FHOD3: variants seen among roughly 807,000 people sequenced by gnomAD.
FHOD3 encodes FH1/FH2 domain-containing protein 3.
In FHOD3, 90 loss-of-function variants were observed where a neutral mutation model predicts 173.0. The ratio of observed to expected loss-of-function variants is 0.52; its 90% CI spans 0.44 to 0.62. The LOEUF is 0.62. Among genes scored for constraint, FHOD3 ranks in the 20% least tolerant of loss-of-function variants. The pLI is 0.00. For missense variants in FHOD3, 1,945 were observed against 2,034.7 expected (o/e 0.96, Z 0.85); for synonymous variants, 828 against 823.0 (o/e 1.01, Z -0.10).
intron 17 of FHOD3, among the ~76,000 whole-genome samples, chr18:36,694,976 G>GCTGT (rs2039180505): frequency 6.7e-6 from 1 of 149,144 alleles, no homozygotes. Context: ...TGTATACGTG[G>GCTGT]GTGTGTGTGT....
chr18:36,418,628 T>C (rs547255594), intron 3 of FHOD3, among the ~76,000 whole-genome samples: 75 of 152,258 alleles, frequency 4.9e-4, no homozygotes, highest in Non-Finnish European at 9.9e-4. Flanking sequence ...ATCTGCATGT[T>C]CTTGCCAGTT....
intron 17 of FHOD3, among the ~76,000 whole-genome samples, chr18:36,700,056 G>C (rs975061442): frequency 4.6e-5 from 7 of 152,058 alleles, no homozygotes; most frequent in Admixed American, 3.3e-4. Flanking sequence ...TCATTGTTTG[G>C]TTGCAATCCT....
At chr18:36,463,077 T>G (rs1422631801) in intron 3 of FHOD3, among the ~76,000 whole-genome samples, 1 of 152,140 alleles carries the variant, frequency 6.6e-6, no homozygotes, top group Non-Finnish European at 1.5e-5. Context: ...CCATTGCAAC[T>G]CTGATTTCCA....
At chr18:36,321,742 C>T (rs1487394232) in intron 1 of FHOD3, among the ~76,000 whole-genome samples, 2 of 152,124 alleles carry the variant, frequency 1.3e-5, no homozygotes, top group African/African-American at 2.4e-5. Context: ...GTGAGCCCTC[C>T]GTGCGTGGTG....
intron 19 of FHOD3, among the ~76,000 whole-genome samples, chr18:36,723,871 A>G (rs1466854370): frequency 6.6e-6 from 1 of 152,250 alleles, no homozygotes; most frequent in Admixed American, 6.5e-5. Flanking sequence ...CTTAAGCTTA[A>G]TGACTACTAT....
At chr18:36,496,785 A>G (rs111921738) in intron 3 of FHOD3, among the ~76,000 whole-genome samples, 3 of 152,390 alleles carry the variant, frequency 2.0e-5, no homozygotes, top group African/African-American at 4.8e-5. Context: ...AAAGGTTTGC[A>G]GTAGTTCAAG....
At chr18:36,451,819 G>A (rs1019534623) in intron 3 of FHOD3, among the ~76,000 whole-genome samples, 25 of 152,156 alleles carry the variant, frequency 1.6e-4, no homozygotes, top group Admixed American at 7.9e-4. Flanking sequence ...CTGTTTGTCC[G>A]TCATGTCATG....
chr18:36,312,461 G>T (rs1054743695), intron 1 of FHOD3, among the ~76,000 whole-genome samples: 4 of 152,060 alleles, frequency 2.6e-5, no homozygotes, highest in Non-Finnish European at 5.9e-5. Flanking sequence ...CGTCCTGGAC[G>T]TCCCAACAGG....
At position 36,693,440 on chromosome 18, in the gene FHOD3, T is replaced by G; in HGVS notation, c.2236+17T>G. On this transcript the variant is annotated intron_variant, in intron 17 of 28. Transcript: ENST00000590592. ...ATCCCCAAGGTGAGTACAGGGAGAGTAGAGGGAAAATGAACAGGTTAACAT... is the reference window on the plus strand; with the variant it reads ...ATCCCCAAGGTGAGTACAGGGAGAGGAGAGGGAAAATGAACAGGTTAACAT... 6.2e-7 allele frequency: 1 copy of G among 1,606,338 alleles called. No individual in the cohort carries two copies. The highest frequency in any genetic ancestry group is 1.1e-5 in the South Asian group (1 of 90,218).
At chr18:36,724,154 C>G (rs1026976401) in intron 19 of FHOD3, among the ~76,000 whole-genome samples, 8 of 152,252 alleles carry the variant, frequency 5.3e-5, no homozygotes, top group Admixed American at 6.5e-5. Flanking sequence ...CGGGCATCTC[C>G]TCTGCATGGG....
At chr18:36,323,184 G>A (rs1177406951) in intron 1 of FHOD3, among the ~76,000 whole-genome samples, 5 of 152,200 alleles carry the variant, frequency 3.3e-5, no homozygotes, top group African/African-American at 9.6e-5. Context: ...GGCTGCCTCT[G>A]CTCCTCCTCT....
chr18:36,387,518 C>A (rs1400543256), intron 3 of FHOD3, among the ~76,000 whole-genome samples: 1 of 152,164 alleles, frequency 6.6e-6, no homozygotes, highest in African/African-American at 2.4e-5. Context: ...AATAACACAT[C>A]AATCTTTATT....
Position 36,576,314 on chromosome 18 carries a change from C to T in FHOD3, c.512-137C>T, listed in dbSNP as rs76147471. The T allele has an allele frequency of 0.029, 15,290 of 522,450 alleles. 852 individuals are homozygous for T. The highest frequency in any genetic ancestry group is 0.14 in the East Asian group (4,025 of 28,904). The allele number at this position is 522,450 out of a possible 1,614,324, so 32.4% of individuals were successfully genotyped here. A position where few individuals can be genotyped will look rare whatever the true frequency, so the allele number is the denominator to read the frequency against. ...AAATGAGATTTAGTTAATTTCAGAG[C>T]TCAGGAATTCTCCTCAGATTTGATT... On this transcript the variant is annotated intron_variant, in intron 5 of 28. Coordinates refer to ENST00000590592, the MANE Select transcript of FHOD3 (RefSeq NM_001281740.3).
At chr18:36,423,748 C>T (rs771393467) in intron 3 of FHOD3, among the ~76,000 whole-genome samples, 1 of 152,122 alleles carries the variant, frequency 6.6e-6, no homozygotes, top group Non-Finnish European at 1.5e-5. Context: ...GCAACTGATA[C>T]GTGGGTTTTT....
intron 3 of FHOD3, among the ~76,000 whole-genome samples, chr18:36,459,975 A>G (rs1257768495): frequency 6.6e-6 from 1 of 152,078 alleles, no homozygotes; most frequent in African/African-American, 2.4e-5. Flanking sequence ...CTTGTTTTTG[A>G]TGACCTTGCT....
At chr18:36,583,006 C>G (rs371271109) in intron 6 of FHOD3, among the ~76,000 whole-genome samples, 2 of 152,174 alleles carry the variant, frequency 1.3e-5, no homozygotes, top group Non-Finnish European at 2.9e-5. Flanking sequence ...GAATTCTGTT[C>G]TGCTTCTTTC....
intron 6 of FHOD3, among the ~76,000 whole-genome samples, chr18:36,594,392 G>A (rs2029938524): frequency 6.6e-6 from 1 of 152,110 alleles, no homozygotes; most frequent in African/African-American, 2.4e-5. Context: ...TTCTTCACGA[G>A]AAAAATAAGA....
chr18:36,736,487 G>A (rs1446842167), intron 20 of FHOD3, among the ~76,000 whole-genome samples: 2 of 152,220 alleles, frequency 1.3e-5, no homozygotes, highest in African/African-American at 4.8e-5. Context: ...TTCATTGCCA[G>A]TGAAAGTGGC....
At chr18:36,654,119 C>A (rs2036252167) in intron 13 of FHOD3, among the ~76,000 whole-genome samples, 1 of 152,188 alleles carries the variant, frequency 6.6e-6, no homozygotes, top group East Asian at 1.9e-4. Context: ...CAAGGCAAGT[C>A]CTTGTCAGCA....
Sources: gnomAD v4.1 joint callset for allele counts (sites outside exome capture counted in the v4.1 genomes callset) on GRCh38, gnomAD v4.1.1 for gene constraint, MANE v1.5 for transcripts, NCBI Gene and HGNC (gene_info 2026-07-23, HGNC 2026-07-21) for gene names.